Variants in TOGARAM1 observed in about 807,000 individuals in gnomAD.
TOGARAM1 encodes TOG array regulator of axonemal microtubules protein 1.
Under a neutral mutation model 166.6 loss-of-function variants are expected in TOGARAM1, and 100 were observed. That is an observed-to-expected ratio of 0.60 (90% confidence interval 0.51 to 0.71). TOGARAM1 has a LOEUF of 0.71. Among genes scored for constraint, TOGARAM1 ranks in the 30% least tolerant of loss-of-function variants. The pLI is 0.00. For missense variants in TOGARAM1, 2,029 were observed against 2,102.7 expected (o/e 0.96, Z 0.69); for synonymous variants, 758 against 763.8 (o/e 0.99, Z 0.13).
chr14:44,994,844 T>C (rs1193458190), intron 1 of TOGARAM1, among the ~76,000 whole-genome samples: 1 of 152,226 alleles, frequency 6.6e-6, no homozygotes, highest in Non-Finnish European at 1.5e-5. Flanking sequence ...TTACCTTTAA[T>C]TTTATTTTGC....
intron 1 of TOGARAM1, among the ~76,000 whole-genome samples, chr14:44,978,713 C>T (rs1886352337): frequency 1.3e-5 from 2 of 151,606 alleles, no homozygotes; most frequent in South Asian, 4.2e-4. Context: ...TGGAGGATCA[C>T]TTGAGCCTGG....
intron 11 of TOGARAM1, among the ~76,000 whole-genome samples, chr14:45,036,243 G>A (rs1242055322): frequency 6.7e-6 from 1 of 150,328 alleles, no homozygotes; most frequent in Non-Finnish European, 1.5e-5. Context: ...AGGCAACAAA[G>A]GAGATAAAAT....
At chr14:45,032,519 C>T (rs2138920951) in intron 11 of TOGARAM1, 143 bp downstream of exon 11, 1 of 824,076 alleles carries the variant, frequency 1.2e-6, no homozygotes, top group Middle Eastern at 3.5e-4. Context: ...GTCTTTTCAG[C>T]TCATTAATGT....
chr14:44,987,494 C>T (rs1046061542), intron 1 of TOGARAM1, among the ~76,000 whole-genome samples: 2 of 152,162 alleles, frequency 1.3e-5, no homozygotes, highest in African/African-American at 4.8e-5. Context: ...AGCCCACAGA[C>T]ACATGAAAAA....
intron 16 of TOGARAM1, among the ~76,000 whole-genome samples, chr14:45,057,271 A>G (rs757731227): frequency 6.6e-6 from 1 of 152,156 alleles, no homozygotes; most frequent in East Asian, 1.9e-4. Context: ...TTGAAGAACC[A>G]TTGATGAATC....
chr14:45,010,321 G>A (rs1040023296), intron 6 of TOGARAM1, among the ~76,000 whole-genome samples: 2 of 152,102 alleles, frequency 1.3e-5, no homozygotes, highest in African/African-American at 4.8e-5. Context: ...TCTTCCAACA[G>A]TTCCTTTGTT....
At chr14:45,064,331 T>C (rs1048803315) in intron 16 of TOGARAM1, among the ~76,000 whole-genome samples, 1 of 152,144 alleles carries the variant, frequency 6.6e-6, no homozygotes, top group South Asian at 2.1e-4. Context: ...GGGGTCTTGC[T>C]ATGTTGCCCA....
At chr14:45,017,064 A>G (rs947883728) in intron 7 of TOGARAM1, among the ~76,000 whole-genome samples, 5 of 152,232 alleles carry the variant, frequency 3.3e-5, no homozygotes, top group Non-Finnish European at 7.3e-5. Context: ...CGTTAGAAAT[A>G]CAAAATGAAC....
At position 45,050,380 on chromosome 14, in the gene TOGARAM1, G is replaced by A. The variant is rs1882301807; in HGVS notation, c.4314-2056G>A. 2.0e-5 allele frequency among the ~76,000 whole-genome samples: 3 copies of A among 152,194 alleles called. No individual in the cohort carries two copies. In the South Asian group the frequency reaches 6.2e-4, roughly 32 times the overall value. ...TGATCCTCCCACCTCAGCCTCCCGA[G>A]TAGCTGGGACTACAGGCGTGTGTCA... On this transcript the variant is annotated intron_variant, in intron 14 of 19. Transcript: ENST00000361462.
chr14:45,010,344 G>A (rs1271217842), intron 6 of TOGARAM1, among the ~76,000 whole-genome samples: 1 of 152,112 alleles, frequency 6.6e-6, no homozygotes, highest in Non-Finnish European at 1.5e-5. Flanking sequence ...AATTACCTAG[G>A]TAGAATAATA....
At chr14:45,040,290 T>C (rs951936519) in intron 11 of TOGARAM1, among the ~76,000 whole-genome samples, 2 of 152,138 alleles carry the variant, frequency 1.3e-5, no homozygotes, top group Non-Finnish European at 2.9e-5. Context: ...ACATCAAAAT[T>C]TATGGGATGT....
rs112507516 is a variant in TOGARAM1 at position 44,969,150 on chromosome 14, C to CTTTCT, written c.2046+4686_2046+4690dup. Among the ~76,000 whole-genome samples the CTTTCT allele has an allele frequency of 6.2e-4, 81 of 130,002 alleles. 1 individual carries two copies. The highest frequency in any genetic ancestry group is 2.2e-3 in the African/African-American group (69 of 30,688). 85.3% of individuals were successfully genotyped at this position (130,002 alleles called of 152,430 possible). On this transcript the variant is annotated intron_variant, in intron 1 of 19. Transcript: ENST00000361462. Reference sequence around the variant, plus strand: ...CCTTCCTTCCTTCCTTCCTTCCTTTCTTTCTTTCTTTTCTTTCTTTTCTTT... The same window carrying CTTTCT: ...CCTTCCTTCCTTCCTTCCTTCCTTTCTTTCTTTTCTTTCTTTTCTTTCTTTTCTTT...
intron 16 of TOGARAM1, among the ~76,000 whole-genome samples, chr14:45,063,124 T>A (rs1159205609): frequency 3.9e-5 from 6 of 152,218 alleles, no homozygotes; most frequent in Admixed American, 6.5e-5. Flanking sequence ...CCATTTTTTT[T>A]AATCAAAATA....
At chr14:45,003,876 T>A (rs1291057476) in intron 3 of TOGARAM1, among the ~76,000 whole-genome samples, 185 bp from the exon 4 acceptor site, 1 of 144,506 alleles carries the variant, frequency 6.9e-6, no homozygotes, top group African/African-American at 2.5e-5. Flanking sequence ...GATAAAGAAG[T>A]TTTGAATTAG....
intron 11 of TOGARAM1, among the ~76,000 whole-genome samples, chr14:45,032,921 A>G (rs1881242615): frequency 6.6e-6 from 1 of 152,112 alleles, no homozygotes; most frequent in African/African-American, 2.4e-5. Context: ...GAGCATATTC[A>G]TCAACTTTAA....
intron 2 of TOGARAM1, chr14:44,997,225 G>C (rs1031570588): frequency 3.9e-5 from 6 of 152,064 alleles, no homozygotes; most frequent in African/African-American, 1.5e-4. Context: ...TGCCAACATG[G>C]TGAAACCCCG....
At chr14:45,036,774 T>C (rs1319003456) in intron 11 of TOGARAM1, among the ~76,000 whole-genome samples, 1 of 152,224 alleles carries the variant, frequency 6.6e-6, no homozygotes, top group Non-Finnish European at 1.5e-5. Context: ...GGAAGAATTG[T>C]CTTCCTTGTA....
intron 7 of TOGARAM1, among the ~76,000 whole-genome samples, chr14:45,019,927 G>A (rs1009122673): frequency 2.6e-5 from 4 of 152,138 alleles, no homozygotes; most frequent in South Asian, 4.1e-4. Flanking sequence ...AGATTTCCTC[G>A]GGAGGGGTGA....
chr14:45,007,220 A>G (rs1411995098), intron 5 of TOGARAM1: 2 of 152,052 alleles, frequency 1.3e-5, no homozygotes, highest in African/African-American at 2.4e-5. Flanking sequence ...CATTTTTAAC[A>G]TATGTCTTTA....
Sources: gnomAD v4.1 joint callset for allele counts (sites outside exome capture counted in the v4.1 genomes callset) on GRCh38, gnomAD v4.1.1 for gene constraint, MANE v1.5 for transcripts, NCBI Gene and HGNC (gene_info 2026-07-23, HGNC 2026-07-21) for gene names.